The following EPB41L5 variants were observed in gnomAD, a reference collection of about 807,000 sequenced individuals.
EPB41L5 encodes band 4.1-like protein 5.
EPB41L5 carries 55 observed loss-of-function variants against 106.6 expected under a neutral mutation model. That is an observed-to-expected ratio of 0.52 (90% CI 0.42 to 0.65). The LOEUF is 0.65. EPB41L5 is among the 30% of genes least tolerant of loss of function. The pLI is 0.00. For synonymous variants in EPB41L5, 297 were observed against 306.7 expected, an observed-to-expected ratio of 0.97 and a Z score of 0.33; for missense variants, 871 against 882.1, an observed-to-expected ratio of 0.99 and a Z score of 0.16.
chr2:120,097,069 A>T (rs570861587), intron 14 of EPB41L5, among the ~76,000 whole-genome samples: 1 of 152,326 alleles, frequency 6.6e-6, no homozygotes, highest in African/African-American at 2.4e-5. Flanking sequence ...GTAAAATATG[A>T]ATATATATAG....
intron 14 of EPB41L5, among the ~76,000 whole-genome samples, chr2:120,098,871 C>T (rs1227983156): frequency 6.6e-6 from 1 of 152,242 alleles, no homozygotes; most frequent in Non-Finnish European, 1.5e-5. Flanking sequence ...TCTGGATCCT[C>T]TATTCAGAGG....
chr2:120,127,070 G>A (rs1234553670), intron 16 of EPB41L5, among the ~76,000 whole-genome samples: 1 of 151,998 alleles, frequency 6.6e-6, no homozygotes, highest in Non-Finnish European at 1.5e-5. Flanking sequence ...TTCATGTATA[G>A]ATATACAATT....
intron 20 of EPB41L5, among the ~76,000 whole-genome samples, chr2:120,151,303 A>AAAT (rs758794816): frequency 3.9e-5 from 6 of 151,942 alleles, no homozygotes; most frequent in South Asian, 2.1e-4. Flanking sequence ...CCATCTCAAA[A>AAAT]AATAATAATA....
rs747884447 is a variant in EPB41L5 at position 120,160,837 on chromosome 2, C to T, written c.1794-44C>T. ...CTTTCTTTGAAAATCCTGCCTGTAC[C>T]TGTACAGGTCCTACATGATGTGAAT... On this transcript the variant is annotated intron_variant, in intron 20 of 24. Coordinates refer to ENST00000263713, the MANE Select transcript of EPB41L5 (RefSeq NM_020909.4). The T allele has an allele frequency of 1.4e-5, 20 of 1,414,158 alleles. 1 individual carries two copies. The highest frequency in any genetic ancestry group is 1.7e-5 in the Admixed American group (1 of 59,232). 87.6% of individuals were successfully genotyped at this position (1,414,158 alleles called of 1,614,324 possible). A position where few individuals can be genotyped will look rare whatever the true frequency, so the allele number is the denominator to read the frequency against.
chr2:120,029,378 AC>A (rs1384614656), intron 2 of EPB41L5, among the ~76,000 whole-genome samples: 3 of 152,176 alleles, frequency 2.0e-5, no homozygotes, highest in African/African-American at 7.2e-5. Context: ...TATACAATAT[AC>A]AAATTTTGTA....
At chr2:120,150,298 T>C (rs915877145) in intron 20 of EPB41L5, among the ~76,000 whole-genome samples, 1 of 152,114 alleles carries the variant, frequency 6.6e-6, no homozygotes, top group African/African-American at 2.4e-5. Context: ...TAAATGTCTA[T>C]TCAAGTCCTT....
chr2:120,086,768 C>T lies in EPB41L5; in HGVS notation c.804-403C>T, dbSNP rs573531424. On this transcript the variant is annotated intron_variant, in intron 10 of 24. Transcript: ENST00000263713. Reference sequence around the variant, plus strand: ...ACAAACAAAAAGAGTTGAAAACCATCGTCAGTGTTTTTCTTTATGGCTGTT... The same window carrying T: ...ACAAACAAAAAGAGTTGAAAACCATTGTCAGTGTTTTTCTTTATGGCTGTT... 2.6e-5 allele frequency among the ~76,000 whole-genome samples: 4 copies of T among 152,216 alleles called. No homozygotes were observed. In the South Asian group the frequency reaches 6.2e-4, roughly 24 times the overall value.
At chr2:120,105,466 A>G (rs1684395684) in intron 16 of EPB41L5, 1 of 985,278 alleles carries the variant, frequency 1.0e-6, no homozygotes, top group South Asian at 4.7e-5. Flanking sequence ...ACAAAGATTA[A>G]GGTTTCAGAG....
chr2:120,161,581 G>T (rs1035713533), intron 21 of EPB41L5, among the ~76,000 whole-genome samples: 3 of 152,158 alleles, frequency 2.0e-5, no homozygotes, highest in African/African-American at 7.2e-5. Context: ...TAGGGACTAA[G>T]TGCTTCTTAG....
chr2:120,062,382 ATCTTACTGCTGCCC>A (rs1450436650), intron 3 of EPB41L5, among the ~76,000 whole-genome samples: 1 of 152,224 alleles, frequency 6.6e-6, no homozygotes, highest in Non-Finnish European at 1.5e-5. Context: ...AAAACTCCTG[ATCTTACTGCTGCCC>A]AATAATGATT....
intron 3 of EPB41L5, among the ~76,000 whole-genome samples, chr2:120,062,591 A>G (rs1022477196): frequency 6.6e-6 from 1 of 152,176 alleles, no homozygotes; most frequent in Non-Finnish European, 1.5e-5. Context: ...AAGTAACAGT[A>G]TGTTTTCTTT....
Position 120,091,608 on chromosome 2 carries a change from C to T in EPB41L5, c.1097C>T (p.Ser366Phe). The part of the protein sequence containing the change: ...TKTNKARRST[S>F]FERRPSKRYS... ...ACCAATAAAGCAAGAAGATCAACAT[C>T]CTTTGAAAGAAGGCCCAGCAAACGA... is the stretch of plus-strand genomic sequence containing the variant. Residue 366 changes from serine to phenylalanine, a missense_variant, in exon 13 of 25, where the codon TCC becomes TTC. Physicochemically the swap from Ser to Phe is radical, Grantham distance 155. Coordinates refer to ENST00000263713, the MANE Select transcript of EPB41L5 (RefSeq NM_020909.4). 3 of 1,613,838 alleles carry T rather than the reference C, an allele frequency of 1.9e-6. No individual in the cohort carries two copies. The highest frequency in any genetic ancestry group is 2.5e-6 in the Non-Finnish European group (3 of 1,179,850).
intron 1 of EPB41L5, among the ~76,000 whole-genome samples, chr2:120,015,481 C>T (rs1423816782): frequency 1.3e-5 from 2 of 152,028 alleles, no homozygotes; most frequent in Admixed American, 6.6e-5. Flanking sequence ...CTGACATGCC[C>T]CTCTTCAGAG....
chr2:120,087,319 T>G, intron 11 of EPB41L5, 79 bp downstream of exon 11: 1 of 822,680 alleles, frequency 1.2e-6, no homozygotes, highest in Non-Finnish European at 2.0e-6. Flanking sequence ...AAAGAGGGAA[T>G]GTACCTCATT....
intron 3 of EPB41L5, among the ~76,000 whole-genome samples, chr2:120,068,046 G>A (rs1205987644): frequency 7.2e-5 from 11 of 152,188 alleles, no homozygotes; most frequent in Non-Finnish European, 2.9e-5. Flanking sequence ...CAACGTGGAA[G>A]GCGGGTGATT....
intron 20 of EPB41L5, among the ~76,000 whole-genome samples, chr2:120,147,561 G>T (rs1054191031): frequency 1.3e-5 from 2 of 148,478 alleles, no homozygotes; most frequent in Admixed American, 6.9e-5. Flanking sequence ...GGAGGCAGAG[G>T]TTGCAGTGAG....
At chr2:120,106,948 A>T (rs138789108) in intron 16 of EPB41L5, 1 of 914,780 alleles carries the variant, frequency 1.1e-6, no homozygotes, top group South Asian at 5.1e-5. Flanking sequence ...TTTGAAAAGC[A>T]CCTAGTATAC....
At chr2:120,103,942 C>T in intron 16 of EPB41L5, 1 of 1,161,142 alleles carries the variant, frequency 8.6e-7, no homozygotes, top group South Asian at 2.3e-5. Context: ...CTGGTAACTA[C>T]TCATAGCAGC....
At chr2:120,086,515 A>G (rs1683065290) in intron 10 of EPB41L5, among the ~76,000 whole-genome samples, 2 of 152,252 alleles carry the variant, frequency 1.3e-5, no homozygotes, top group South Asian at 4.2e-4. Context: ...GAATTCCAAC[A>G]CTTTGGGAGA....
Sources: gnomAD v4.1 joint callset for allele counts (sites outside exome capture counted in the v4.1 genomes callset) on GRCh38, gnomAD v4.1.1 for gene constraint, MANE v1.5 for transcripts, NCBI Gene and HGNC (gene_info 2026-07-23, HGNC 2026-07-21) for gene names.